Variants in AOPEP observed in about 807,000 individuals in gnomAD.
AOPEP encodes the protein aminopeptidase O.
Under a neutral mutation model 98.1 loss-of-function variants are expected in AOPEP, and 77 were observed. That is an observed-to-expected ratio of 0.78 (90% confidence interval 0.65 to 0.95). AOPEP has a LOEUF of 0.95. Among genes scored for constraint, AOPEP ranks in the 40% least tolerant of loss-of-function variants. The probability of loss-of-function intolerance (pLI) is 0.00; values close to 1 mark genes in which losing one functional copy is unlikely to be tolerated. For synonymous variants in AOPEP, 346 were observed against 365.3 expected, an observed-to-expected ratio of 0.95 and a Z score of 0.60; for missense variants, 1,024 against 1,024.7, an observed-to-expected ratio of 1.00 and a Z score of 0.01.
intron 13 of AOPEP, chr9:95,056,664 ACT>A (rs763245837): frequency 2.0e-5 from 3 of 150,932 alleles, no homozygotes; most frequent in African/African-American, 7.3e-5. Context: ...ATGCATAAAA[ACT>A]CTCCCAAACC....
chr9:94,871,976 C>G (rs2046398063), intron 5 of AOPEP, among the ~76,000 whole-genome samples: 1 of 152,192 alleles, frequency 6.6e-6, no homozygotes, highest in African/African-American at 2.4e-5. Flanking sequence ...CCACTGCACT[C>G]CAGCCTGGGC....
At chr9:94,856,299 C>T (rs1261629319) in intron 5 of AOPEP, among the ~76,000 whole-genome samples, 1 of 151,940 alleles carries the variant, frequency 6.6e-6, no homozygotes, top group Non-Finnish European at 1.5e-5. Context: ...AATAATTGGG[C>T]CAAATAGCTA....
At chr9:95,004,409 G>C (rs2061775688) in intron 11 of AOPEP, 1 of 396,524 alleles carries the variant, frequency 2.5e-6, no homozygotes, top group African/African-American at 2.1e-5. Flanking sequence ...CGGGAGCGCG[G>C]GGCTGGGTTT....
intron 1 of AOPEP, among the ~76,000 whole-genome samples, chr9:94,728,237 A>G (rs893315596): frequency 8.1e-6 from 1 of 122,736 alleles, no homozygotes; most frequent in Non-Finnish European, 1.7e-5. Context: ...GCGTGCGCGC[A>G]TGCACACACA....
intron 1 of AOPEP, among the ~76,000 whole-genome samples, chr9:94,748,186 T>G (rs1195869429): frequency 6.6e-6 from 1 of 152,206 alleles, no homozygotes; most frequent in Non-Finnish European, 1.5e-5. Context: ...CTGTTTTCTG[T>G]GGCCTTCATT....
At chr9:95,009,614 G>A (rs781425785) in intron 13 of AOPEP, among the ~76,000 whole-genome samples, 8 of 152,150 alleles carry the variant, frequency 5.3e-5, no homozygotes, top group Non-Finnish European at 7.4e-5. Context: ...GTGTATTAGC[G>A]TTTCCAAGCG....
At chr9:94,801,582 G>A (rs572762108) in intron 5 of AOPEP, among the ~76,000 whole-genome samples, 13 of 152,268 alleles carry the variant, frequency 8.5e-5, no homozygotes, top group African/African-American at 2.6e-4. Context: ...GAGGAGTCAC[G>A]TGCTACTATT....
At chr9:94,999,228 C>T (rs556399720) in intron 11 of AOPEP, among the ~76,000 whole-genome samples, 1 of 151,654 alleles carries the variant, frequency 6.6e-6, no homozygotes, top group South Asian at 2.1e-4. Context: ...GCTTCCAAAA[C>T]AGATAAATAT....
chr9:95,118,977 G>GT, the AOPEP span, among the ~76,000 whole-genome samples: 1 of 152,146 alleles, frequency 6.6e-6, no homozygotes, highest in Non-Finnish European at 1.5e-5. Flanking sequence ...GTTTAACATC[G>GT]TAAGGCCATA....
chr9:95,012,669 G>T (rs1472873035), intron 13 of AOPEP, among the ~76,000 whole-genome samples: 1 of 152,068 alleles, frequency 6.6e-6, no homozygotes, highest in African/African-American at 2.4e-5. Context: ...GCTGACAGCA[G>T]CGTGTATCGA....
intron 10 of AOPEP, among the ~76,000 whole-genome samples, chr9:94,976,226 C>A (rs540886195): frequency 2.0e-5 from 3 of 152,180 alleles, no homozygotes; most frequent in Admixed American, 2.0e-4. Context: ...AGCCATCCAG[C>A]GAATGTTTGC....
intron 5 of AOPEP, among the ~76,000 whole-genome samples, chr9:94,820,822 G>A (rs912798942): frequency 2.6e-5 from 4 of 152,218 alleles, no homozygotes; most frequent in African/African-American, 9.7e-5. Context: ...GATATTTAGA[G>A]AAACCTACAT....
At chr9:95,015,663 A>G (rs1394466711) in intron 13 of AOPEP, among the ~76,000 whole-genome samples, 1 of 152,206 alleles carries the variant, frequency 6.6e-6, no homozygotes, top group African/African-American at 2.4e-5. Context: ...TGCAGGAGGT[A>G]TCGGAACAGT....
chr9:95,004,928 G>GTGCC (rs997247086), intron 11 of AOPEP: 6 of 145,762 alleles, frequency 4.1e-5, no homozygotes, highest in African/African-American at 1.2e-4. Flanking sequence ...CCCCCGCTCG[G>GTGCC]TGCCCGCCCG....
chr9:94,968,897 T>C (rs1156848794), intron 10 of AOPEP, among the ~76,000 whole-genome samples: 2 of 152,194 alleles, frequency 1.3e-5, no homozygotes, highest in African/African-American at 4.8e-5. Context: ...TAGTGATTAT[T>C]ATAAGCCAAC....
At chr9:94,863,760 T>C (rs1011642416) in intron 5 of AOPEP, among the ~76,000 whole-genome samples, 3 of 152,142 alleles carry the variant, frequency 2.0e-5, no homozygotes, top group Non-Finnish European at 4.4e-5. Context: ...TAGTACATAA[T>C]AGCTTTTGGA....
intron 5 of AOPEP, among the ~76,000 whole-genome samples, chr9:94,838,321 A>G (rs1727446851): frequency 6.6e-6 from 1 of 152,162 alleles, no homozygotes; most frequent in Non-Finnish European, 1.5e-5. Flanking sequence ...AAACCCAATA[A>G]TGTTTTAACA....
the AOPEP span, chr9:95,110,656 T>TCAAA: frequency 6.7e-6 from 7 of 1,048,238 alleles, no homozygotes; most frequent in African/African-American, 8.3e-5. Context: ...CTGTGTGTTT[T>TCAAA]CAAACAACAG....
At chr9:95,033,651 G>A (rs925248497) in intron 13 of AOPEP, among the ~76,000 whole-genome samples, 5 of 152,162 alleles carry the variant, frequency 3.3e-5, no homozygotes, top group Admixed American at 6.5e-5. Flanking sequence ...AATAAAGCCT[G>A]TATTCTACTT....
Sources: gnomAD v4.1 joint callset for allele counts (sites outside exome capture counted in the v4.1 genomes callset) on GRCh38, gnomAD v4.1.1 for gene constraint, MANE v1.5 for transcripts, NCBI Gene and HGNC (gene_info 2026-07-23, HGNC 2026-07-21) for gene names.